Variants in LTA observed in about 807,000 individuals in gnomAD.
LTA encodes the protein lymphotoxin alpha.
A neutral mutation model predicts 15.1 loss-of-function variants in LTA; 6 were observed. The observed-to-expected ratio is 0.40, with a 90% CI of 0.22 to 0.78. LTA has a LOEUF of 0.78. Among genes scored for constraint, LTA ranks in the 30% least tolerant of loss-of-function variants. The pLI, the probability that LTA is intolerant of heterozygous loss-of-function variation, is 0.38. For missense variants in LTA, 173 were observed against 249.5 expected (o/e 0.69, Z 2.06); for synonymous variants, 87 against 107.3 (o/e 0.81, Z 1.17).
In LTA at chr6:31,573,544, C is replaced by G; in HGVS notation, c.469C>G (p.Pro157Ala). ...PLLSSQKMVY[P>A]GLQEPWLHSM... The stretch of plus-strand genomic sequence containing the variant: ...CCTCAGCTCCCAGAAGATGGTGTAT[C>G]CAGGGCTGCAGGAACCCTGGCTGCA... The change falls in exon 4 of 4, where the codon CCA becomes GCA. Residue 157 changes from proline (P) to alanine (A), a missense_variant. Pro to Ala is a conservative substitution (Grantham distance 27). Coordinates refer to ENST00000418386, the MANE Select transcript of LTA (RefSeq NM_000595.4). 1 of 1,614,112 alleles carries G rather than the reference C, an allele frequency of 6.2e-7. No homozygotes were observed. Among genetic ancestry groups the G allele is most frequent in the Non-Finnish European group, 8.5e-7 (1 of 1,180,016 alleles).
At chr6:31,567,453 CT>C (rs1240899323), upstream of LTA, among the ~76,000 whole-genome samples, 1 of 151,824 alleles carries the variant, frequency 6.6e-6, no homozygotes, top group Non-Finnish European at 1.5e-5. Flanking sequence ...GTCCTAGATA[CT>C]TGGGAAGCTG....
At position 31,573,476 on chromosome 6, in the gene LTA, A is replaced by G. The variant is rs1351525134; in HGVS notation, c.401A>G (p.Glu134Gly). The change falls in exon 4 of 4, where the codon GAG (glutamate) becomes GGG (glycine). Residue 134 changes from glutamate (E) to glycine (G), a missense_variant. Physicochemically the swap from Glu to Gly is moderately conservative, Grantham distance 98 (BLOSUM62 -2). Transcript: ENST00000418386. ...ATSSPLYLAH[E>G]VQLFSSQYPF... ...TCCTCCCCACTCTACCTGGCCCATGAGGTCCAGCTCTTCTCCTCCCAGTAC... is the reference window on the plus strand; with the variant it reads ...TCCTCCCCACTCTACCTGGCCCATGGGGTCCAGCTCTTCTCCTCCCAGTAC... 6.2e-7 allele frequency: 1 copy of G among 1,613,998 alleles called. No homozygotes were observed. Among genetic ancestry groups the G allele is most frequent in the Non-Finnish European group, 8.5e-7 (1 of 1,180,010 alleles).
chr6:31,568,062 A>G (rs541368393), upstream of LTA, among the ~76,000 whole-genome samples: 1 of 152,162 alleles, frequency 6.6e-6, no homozygotes, highest in African/African-American at 2.4e-5. This position sits in a 1 kb window ranked among gnomAD's most constrained non-coding sequence, Gnocchi z 4.1. Context: ...TTACAACATC[A>G]GCCTGTCTTA....
upstream of LTA, among the ~76,000 whole-genome samples, chr6:31,567,959 T>A (rs1415181624): frequency 6.6e-6 from 1 of 152,172 alleles, no homozygotes; most frequent in African/African-American, 2.4e-5. Flanking sequence ...CTGGTCACTA[T>A]TTTTTGTCAT....
At chr6:31,562,010 G>C in the LTA span, among the ~76,000 whole-genome samples, 2 of 151,352 alleles carry the variant, frequency 1.3e-5, no homozygotes, top group Non-Finnish European at 2.9e-5. Flanking sequence ...GAGTGGACAG[G>C]ATCTTCAAGG....
the LTA span, among the ~76,000 whole-genome samples, chr6:31,563,629 CAG>C: frequency 2.6e-5 from 4 of 152,142 alleles, no homozygotes; most frequent in African/African-American, 7.2e-5. Flanking sequence ...ATTTTTGAGA[CAG>C]AGTTTCACTC....
Position 31,572,972 on chromosome 6 carries a change from C to T in LTA, c.144C>T (p.Ala48=). Residue 48 remains alanine (A), a synonymous_variant, in exon 3 of 4, where the codon GCC becomes GCT. Coordinates refer to ENST00000418386, the MANE Select transcript of LTA (RefSeq NM_000595.4). The stretch of plus-strand genomic sequence containing the variant: ...TCACACCTTCAGCTGCCCAGACTGC[C>T]CGTCAGCACCCCAAGATGCATCTTG... ...VGLTPSAAQT[A]RQHPKMHLAH... 2.5e-6 allele frequency: 4 copies of T among 1,612,786 alleles called. No individual in the cohort carries two copies. The highest frequency in any genetic ancestry group is 3.4e-6 in the Non-Finnish European group (4 of 1,179,896).
intron 1 of LTA, 30 bp downstream of exon 1, chr6:31,572,476 C>G (rs1448028433): frequency 3.5e-6 from 2 of 568,494 alleles, no homozygotes; most frequent in Admixed American, 6.5e-5. Flanking sequence ...CCTTCTCTGT[C>G]TCTGACTCTC....
chr6:31,562,861 A>C, the LTA span, among the ~76,000 whole-genome samples: 2 of 17,390 alleles, frequency 1.2e-4, no homozygotes, highest in African/African-American at 7.2e-4. Flanking sequence ...CTCAGTCTCA[A>C]AAAAAAAAAA....
upstream of LTA, among the ~76,000 whole-genome samples, chr6:31,569,048 T>C (rs1157660895): frequency 6.6e-6 from 1 of 152,152 alleles, no homozygotes; most frequent in African/African-American, 2.4e-5. Context: ...CTCACTTTGT[T>C]GCCCAGGCTG....
chr6:31,562,024 G>C, the LTA span, among the ~76,000 whole-genome samples: 1 of 151,528 alleles, frequency 6.6e-6, no homozygotes, highest in Non-Finnish European at 1.5e-5. Context: ...TTCAAGGGAG[G>C]GGGCGGAGTG....
chr6:31,561,147 G>A, the LTA span, among the ~76,000 whole-genome samples: 1 of 152,126 alleles, frequency 6.6e-6, no homozygotes, highest in Non-Finnish European at 1.5e-5. Context: ...GCGTCCTGAG[G>A]GAGAAGAAGC....
At chr6:31,564,771 G>A in the LTA span, among the ~76,000 whole-genome samples, 1 of 151,602 alleles carries the variant, frequency 6.6e-6, no homozygotes, top group African/African-American at 2.4e-5. Context: ...AAACTTAGCC[G>A]GGCACGGTGG....
chr6:31,567,517 G>A (rs1770628179), upstream of LTA, among the ~76,000 whole-genome samples: 1 of 150,848 alleles, frequency 6.6e-6, no homozygotes, highest in African/African-American at 2.4e-5. Flanking sequence ...GGGCTATGAT[G>A]GTGCCACTGC....
upstream of LTA, among the ~76,000 whole-genome samples, chr6:31,569,648 T>A (rs1003270109): frequency 5.3e-5 from 8 of 151,754 alleles, no homozygotes; most frequent in Admixed American, 1.3e-4. Flanking sequence ...CAAAAAAAAA[T>A]TTGGCGGGCT....
At chr6:31,569,653 C>T (rs1770733433), upstream of LTA, among the ~76,000 whole-genome samples, 1 of 152,016 alleles carries the variant, frequency 6.6e-6, no homozygotes, top group African/African-American at 2.4e-5. Flanking sequence ...AAAAATTTGG[C>T]GGGCTTGGTG....
the LTA span, among the ~76,000 whole-genome samples, chr6:31,563,959 A>G: frequency 1.3e-5 from 2 of 152,198 alleles, no homozygotes; most frequent in African/African-American, 2.4e-5. Flanking sequence ...TTGACCATGC[A>G]GTACATGTTA....
chr6:31,570,010 C>T (rs1258385768), upstream of LTA, among the ~76,000 whole-genome samples: 2 of 152,178 alleles, frequency 1.3e-5, no homozygotes, highest in Non-Finnish European at 2.9e-5. Flanking sequence ...CATTTCTGCA[C>T]AGCTGTTCAT....
At position 31,573,561 on chromosome 6, in the gene LTA, C is replaced by G. The variant is rs1296355954; in HGVS notation, c.486C>G (p.Pro162=). Residue 162 remains proline, a synonymous_variant, in exon 4 of 4, where the codon CCC becomes CCG. Coordinates refer to ENST00000418386, the MANE Select transcript of LTA (RefSeq NM_000595.4). The part of the protein sequence containing the change: ...QKMVYPGLQE[P]WLHSMYHGAA... ...TGGTGTATCCAGGGCTGCAGGAACCCTGGCTGCACTCGATGTACCACGGGG... is the reference window on the plus strand; with the variant it reads ...TGGTGTATCCAGGGCTGCAGGAACCGTGGCTGCACTCGATGTACCACGGGG... 2.5e-6 allele frequency: 4 copies of G among 1,614,040 alleles called. No homozygotes were observed. The highest frequency in any genetic ancestry group is 2.5e-6 in the Non-Finnish European group (3 of 1,180,016).
Sources: allele counts gnomAD v4.1 joint callset (sites outside exome capture counted in the v4.1 genomes callset), GRCh38; gene constraint gnomAD v4.1.1; non-coding constraint Gnocchi (gnomAD v3.1); transcripts MANE v1.5; gene names NCBI Gene and HGNC (gene_info 2026-07-23, HGNC 2026-07-21).